KALRN: variants seen among roughly 807,000 people sequenced by gnomAD.
KALRN encodes kalirin.
Under a neutral mutation model 353.7 loss-of-function variants are expected in KALRN, and 70 were observed. That is an observed-to-expected ratio of 0.20 (90% CI 0.16 to 0.24). KALRN has a LOEUF of 0.24. Ranked by LOEUF, KALRN falls within the 10% of genes least tolerant of loss-of-function variation. The probability of loss-of-function intolerance (pLI) is 1.00; values close to 1 mark genes in which losing one functional copy is unlikely to be tolerated. For synonymous variants in KALRN, 1,391 were observed against 1,434.8 expected (o/e 0.97, Z 0.69); for missense variants, 2,791 against 3,756.7 (o/e 0.74, Z 6.72).
intron 3 of KALRN, among the ~76,000 whole-genome samples, chr3:124,262,244 G>GA (rs1560395503): frequency 6.6e-6 from 1 of 152,064 alleles, no homozygotes; most frequent in African/African-American, 2.4e-5. Context: ...TTAGACATGA[G>GA]AAAAAACTAC....
intron 10 of KALRN, among the ~76,000 whole-genome samples, chr3:124,373,974 G>T (rs2149818033): frequency 6.6e-6 from 1 of 152,330 alleles, no homozygotes; most frequent in African/African-American, 2.4e-5. Flanking sequence ...CAAGCCCAGG[G>T]AGGTTAACTA....
chr3:124,250,488 TC>T (rs2070985656), intron 3 of KALRN, among the ~76,000 whole-genome samples: 1 of 152,172 alleles, frequency 6.6e-6, no homozygotes. Context: ...TTCTCTTGAG[TC>T]CCCTCAGCTC....
At chr3:124,659,276 A>T in intron 42 of KALRN, 89 bp from the exon 43 acceptor site, 1 of 853,774 alleles carries the variant, frequency 1.2e-6, no homozygotes, top group Non-Finnish European at 2.0e-6. Flanking sequence ...GAAAACATGC[A>T]GACCTGTCTT....
At chr3:124,617,499 G>A (rs1407846434) in intron 34 of KALRN, among the ~76,000 whole-genome samples, 2 of 152,206 alleles carry the variant, frequency 1.3e-5, no homozygotes, top group Non-Finnish European at 2.9e-5. Context: ...GGCTTACAAC[G>A]AAGAAGTCCT....
In KALRN at chr3:124,562,535, A is replaced by G. The variant is rs528326838; in HGVS notation, c.4936-308A>G. 5.2e-3 allele frequency among the ~76,000 whole-genome samples: 799 copies of G among 152,302 alleles called. 7 individuals carry two copies. The highest frequency in any genetic ancestry group is 6.8e-3 in the Middle Eastern group (2 of 294). Reference sequence around the variant, plus strand: ...GAATAATGAGCTCTAACGAAGTAAGAGGAATTAGAATCAAAGCCCTGGTTC... The same window carrying G: ...GAATAATGAGCTCTAACGAAGTAAGGGGAATTAGAATCAAAGCCCTGGTTC... On this transcript the variant is annotated intron_variant, in intron 33 of 59. Coordinates refer to ENST00000682506, the MANE Select transcript of KALRN (RefSeq NM_001388419.1).
At chr3:124,532,732 C>T (rs1039088181) in intron 33 of KALRN, among the ~76,000 whole-genome samples, 1 of 151,976 alleles carries the variant, frequency 6.6e-6, no homozygotes, top group Non-Finnish European at 1.5e-5. Context: ...GCTTGAGAGG[C>T]GGAGGTTGCA....
intron 33 of KALRN, chr3:124,519,706 T>C: frequency 4.1e-6 from 4 of 985,462 alleles, no homozygotes; most frequent in Non-Finnish European, 4.8e-6. Context: ...GAATTGCACC[T>C]GGCTCAGGAA....
intron 51 of KALRN, among the ~76,000 whole-genome samples, chr3:124,689,878 T>C (rs1253442165): frequency 6.6e-6 from 1 of 152,140 alleles, no homozygotes; most frequent in East Asian, 1.9e-4. Context: ...GTAGGGCAAA[T>C]ACAGTTCAGT....
chr3:124,435,569 A>G (rs971600940), intron 17 of KALRN, among the ~76,000 whole-genome samples: 1 of 152,230 alleles, frequency 6.6e-6, no homozygotes, highest in Non-Finnish European at 1.5e-5. Context: ...AAATCAGAGA[A>G]TCATTCTCCT....
At chr3:124,623,399 T>TAAACACACACACACACACACACAC (rs2079529815) in intron 34 of KALRN, among the ~76,000 whole-genome samples, 1 of 136,444 alleles carries the variant, frequency 7.3e-6, no homozygotes, top group Non-Finnish European at 1.6e-5. Flanking sequence ...TATTTATTTA[T>TAAACACACACACACACACACACAC]ACACACACAC....
intron 28 of KALRN, among the ~76,000 whole-genome samples, chr3:124,485,915 A>G (rs2108317070): frequency 6.6e-6 from 1 of 152,194 alleles, no homozygotes; most frequent in East Asian, 1.9e-4. Context: ...TCTTTTTTAA[A>G]TGTTCTGGTG....
chr3:124,666,403 G>A (rs76992353), intron 45 of KALRN, 46 bp from the exon 46 acceptor site: 97 of 1,571,560 alleles, frequency 6.2e-5, no homozygotes, highest in Non-Finnish European at 7.3e-5. Flanking sequence ...GCAGTGGCTC[G>A]CTCCCCATTT....
intron 37 of KALRN, among the ~76,000 whole-genome samples, chr3:124,638,003 C>T (rs1341125664): frequency 6.6e-6 from 1 of 152,298 alleles, no homozygotes; most frequent in Non-Finnish European, 1.5e-5. Context: ...GGAGCTGTTC[C>T]TCCACTCTCC....
chr3:124,215,922 G>A (rs1035294518), intron 1 of KALRN, among the ~76,000 whole-genome samples: 3 of 152,172 alleles, frequency 2.0e-5, no homozygotes, highest in African/African-American at 7.2e-5. Context: ...GACCCTTTCT[G>A]CTGGCTCTAA....
chr3:124,502,308 G>A (rs1316729753), intron 33 of KALRN, among the ~76,000 whole-genome samples: 2 of 152,134 alleles, frequency 1.3e-5, no homozygotes, highest in African/African-American at 2.4e-5. Flanking sequence ...AGGAGTGAAG[G>A]CTGGTCCCTT....
rs3055892 is a variant in KALRN at position 124,304,127 on chromosome 3, A to AACACACACACACACACACAC, written c.1092+5229_1092+5248dup. ...GTCAGAATTTCTAGATTTTGTTGTA[A>AACACACACACACACACACAC]ACACACACACACACACACACACACA... On this transcript the variant is annotated intron_variant, in intron 6 of 59. Coordinates refer to ENST00000682506, the MANE Select transcript of KALRN (RefSeq NM_001388419.1). 4.9e-3 allele frequency among the ~76,000 whole-genome samples: 729 copies of AACACACACACACACACACAC among 147,482 alleles called. 10 individuals are homozygous for AACACACACACACACACACAC. The highest frequency in any genetic ancestry group is 0.016 in the African/African-American group (643 of 39,652).
rs140077788 is a variant in KALRN, at chr3:124,640,720, G to A, written c.5664+3417G>A. On this transcript the variant is annotated intron_variant, in intron 37 of 59. Transcript: ENST00000682506. ...GTTGAGGAAACCAAGGTTAACTATGGGGAGAAGTTAGGAGAAGACACATGA... is the reference window on the plus strand; with the variant it reads ...GTTGAGGAAACCAAGGTTAACTATGAGGAGAAGTTAGGAGAAGACACATGA... Among the ~76,000 whole-genome samples the A allele has an allele frequency of 5.6e-3, 852 of 152,258 alleles. 3 individuals carry two copies. Among genetic ancestry groups the A allele is most frequent in the Admixed American group, 8.7e-3 (133 of 15,292 alleles).
chr3:124,656,842 G>T (rs75445608), intron 39 of KALRN, among the ~76,000 whole-genome samples: 3,907 of 152,152 alleles, frequency 0.026, 55 homozygotes, highest in Middle Eastern at 0.058. Flanking sequence ...GTGGGGCTGG[G>T]GGGTGGAAGA....
intron 6 of KALRN, among the ~76,000 whole-genome samples, chr3:124,320,971 T>C (rs2079278585): frequency 6.6e-6 from 1 of 152,214 alleles, no homozygotes; most frequent in African/African-American, 2.4e-5. Context: ...GACTTCGCTT[T>C]TTTTGCCTCT....
Sources: gnomAD v4.1 joint callset for allele counts (sites outside exome capture counted in the v4.1 genomes callset) on GRCh38, gnomAD v4.1.1 for gene constraint, MANE v1.5 for transcripts, NCBI Gene and HGNC (gene_info 2026-07-23, HGNC 2026-07-21) for gene names.